ARMH4: variants seen among roughly 807,000 people sequenced by gnomAD.
ARMH4 encodes the protein armadillo like helical domain containing 4, also known as armadillo-like helical domain-containing protein 4.
In ARMH4, 49 loss-of-function variants were observed where a neutral mutation model predicts 61.9. That is an observed-to-expected ratio of 0.79 (90% confidence interval 0.63 to 1.00). The LOEUF (loss-of-function observed/expected upper bound fraction) is 1.00. Ranked by LOEUF, ARMH4 falls within the 50% of genes least tolerant of loss-of-function variation. The probability of loss-of-function intolerance (pLI) is 0.00; values close to 1 mark genes in which losing one functional copy is unlikely to be tolerated. For synonymous variants in ARMH4, 368 were observed against 341.5 expected (o/e 1.08, Z -0.85); for missense variants, 934 against 930.0 (o/e 1.00, Z -0.06).
intron 1 of ARMH4, among the ~76,000 whole-genome samples, chr14:58,149,902 C>G (rs1305298831): frequency 6.6e-6 from 1 of 152,206 alleles, no homozygotes; most frequent in Non-Finnish European, 1.5e-5. Context: ...CTGTCAAATA[C>G]AGAAATGTGA....
intron 4 of ARMH4, among the ~76,000 whole-genome samples, chr14:58,111,293 G>A (rs781358599): frequency 1.3e-5 from 2 of 152,030 alleles, no homozygotes; most frequent in Non-Finnish European, 2.9e-5. Context: ...ATTCAATATA[G>A]TAACTCCTTA....
At chr14:58,040,975 C>G (rs1222447181) in intron 5 of ARMH4, among the ~76,000 whole-genome samples, 2 of 152,168 alleles carry the variant, frequency 1.3e-5, no homozygotes, top group African/African-American at 4.8e-5. Flanking sequence ...GAAACATGGT[C>G]AGGGGGCGGT....
Position 58,139,233 on chromosome 14 carries a change from C to T in ARMH4, c.126G>A (p.Ala42=), listed in dbSNP as rs199616242. The T allele has an allele frequency of 9.9e-6, 16 of 1,614,138 alleles. No homozygotes were observed. The East Asian group carries it at 1.8e-4, about 18-fold the overall frequency. Residue 42 remains alanine, a synonymous_variant, in exon 2 of 8, where the codon GCG becomes GCA. Transcript: ENST00000267485. ...ERRREIAHVH[A]EKGQSDKMNT... is the part of the protein sequence containing the mutation. ...TCATCTTATCGGACTGCCCTTTTTCCGCATGAACATGTGCTATCTCCCTCC... is the reference window on the plus strand; with the variant it reads ...TCATCTTATCGGACTGCCCTTTTTCTGCATGAACATGTGCTATCTCCCTCC...
At chr14:58,087,954 C>T (rs1216921412) in intron 5 of ARMH4, among the ~76,000 whole-genome samples, 1 of 152,144 alleles carries the variant, frequency 6.6e-6, no homozygotes, top group Non-Finnish European at 1.5e-5. Flanking sequence ...TTAGGCTTGG[C>T]CAGTTCTCTT....
chr14:58,015,133 A>G (rs547407182), intron 5 of ARMH4, among the ~76,000 whole-genome samples: 30 of 152,146 alleles, frequency 2.0e-4, no homozygotes, highest in African/African-American at 7.0e-4. Flanking sequence ...TCACCGGTAA[A>G]CTGTCCACAT....
At chr14:58,021,017 G>A (rs1321305288) in intron 5 of ARMH4, among the ~76,000 whole-genome samples, 1 of 152,168 alleles carries the variant, frequency 6.6e-6, no homozygotes, top group Admixed American at 6.5e-5. Flanking sequence ...CCCGAAGGCA[G>A]AGGGAAAAAA....
At chr14:58,076,992 T>C (rs576525837) in intron 5 of ARMH4, among the ~76,000 whole-genome samples, 163 of 152,318 alleles carry the variant, frequency 1.1e-3, no homozygotes, top group African/African-American at 3.4e-3. Flanking sequence ...GATGTCTGCC[T>C]ATACCATAAT....
chr14:58,029,202 AC>A (rs1383043178), intron 5 of ARMH4, among the ~76,000 whole-genome samples: 1 of 148,704 alleles, frequency 6.7e-6, no homozygotes, highest in Non-Finnish European at 1.5e-5. Context: ...ACAACATATG[AC>A]CTTTCGGTCT....
chr14:58,072,665 C>A (rs1006099212), intron 5 of ARMH4, among the ~76,000 whole-genome samples: 5 of 151,606 alleles, frequency 3.3e-5, no homozygotes, highest in Admixed American at 6.6e-5. Flanking sequence ...GAGGTTGCAG[C>A]GAGCCGAGAT....
rs769911891 is a variant in ARMH4, at chr14:58,001,861, G to C, written c.*2875C>G. The stretch of plus-strand genomic sequence containing the variant: ...CCTCTCCCTCCGAGAAGAAGACCTA[G>C]TTCCTGCCCCTGCGGTGGGATGCTG... On this transcript the variant is annotated 3_prime_UTR_variant, in exon 8 of 8. Transcript: ENST00000267485. The C allele has an allele frequency of 1.6e-4, 25 of 152,156 alleles. No individual in the cohort carries two copies. Among genetic ancestry groups the C allele is most frequent in the South Asian group, 2.1e-4 (1 of 4,816 alleles). 9.4% of individuals were successfully genotyped at this position (152,156 alleles called of 1,614,324 possible). A position where few individuals can be genotyped will look rare whatever the true frequency, so the allele number is the denominator to read the frequency against.
chr14:58,112,406 T>A (rs1886384600), intron 4 of ARMH4, among the ~76,000 whole-genome samples: 1 of 152,060 alleles, frequency 6.6e-6, no homozygotes, highest in Non-Finnish European at 1.5e-5. Context: ...ACCACGCATA[T>A]TTAACTAACC....
At chr14:58,096,558 G>A (rs866964457) in intron 5 of ARMH4, among the ~76,000 whole-genome samples, 166 bp downstream of exon 5, 5 of 152,052 alleles carry the variant, frequency 3.3e-5, no homozygotes, top group Middle Eastern at 3.4e-3. Flanking sequence ...TTATTTCTTC[G>A]GTGAGTTTAT....
intron 4 of ARMH4, among the ~76,000 whole-genome samples, chr14:58,114,017 A>G (rs1349462076): frequency 1.3e-5 from 2 of 151,966 alleles, no homozygotes; most frequent in East Asian, 1.9e-4. Context: ...GAGTAAGCCA[A>G]TCTTACTTGG....
At chr14:58,119,259 T>C (rs1172680696) in intron 4 of ARMH4, among the ~76,000 whole-genome samples, 5 of 152,228 alleles carry the variant, frequency 3.3e-5, no homozygotes, top group African/African-American at 9.6e-5. Context: ...GGTAGTCCGA[T>C]GGCAAAACAA....
At chr14:58,080,779 A>C (rs192563181) in intron 5 of ARMH4, among the ~76,000 whole-genome samples, 174 of 152,220 alleles carry the variant, frequency 1.1e-3, no homozygotes, top group African/African-American at 4.1e-3. Flanking sequence ...AATAAAATAA[A>C]AAATAATAAA....
chr14:58,104,023 T>G (rs540072899), intron 4 of ARMH4, among the ~76,000 whole-genome samples: 1 of 152,018 alleles, frequency 6.6e-6, no homozygotes, highest in South Asian at 2.1e-4. Context: ...AAAGAGAGGG[T>G]TGCAGGTAAG....
chr14:58,094,599 G>A lies in ARMH4; in HGVS notation c.2089+2125C>T, dbSNP rs556384879. 2.0e-5 allele frequency among the ~76,000 whole-genome samples: 3 copies of A among 152,270 alleles called. No homozygotes were observed. In the East Asian group the frequency reaches 5.8e-4, roughly 29 times the overall value. On this transcript the variant is annotated intron_variant, in intron 5 of 7. Coordinates refer to ENST00000267485, the MANE Select transcript of ARMH4 (RefSeq NM_001001872.4). ...TGTGCATGTGTGTACATGTGTGTAT[G>A]TTATATATAACAAAGAACAAACTAC...
intron 5 of ARMH4, among the ~76,000 whole-genome samples, chr14:58,019,686 G>A (rs1882744291): frequency 6.6e-6 from 1 of 152,114 alleles, no homozygotes; most frequent in East Asian, 1.9e-4. Flanking sequence ...AGCTACTCAG[G>A]AGACCAAGGC....
intron 4 of ARMH4, among the ~76,000 whole-genome samples, chr14:58,113,869 A>T (rs1180371182): frequency 6.6e-6 from 1 of 151,914 alleles, no homozygotes; most frequent in Non-Finnish European, 1.5e-5. Flanking sequence ...GTTATTTTTT[A>T]AAATCTGCTG....
Sources: allele counts gnomAD v4.1 joint callset (sites outside exome capture counted in the v4.1 genomes callset), GRCh38; gene constraint gnomAD v4.1.1; transcripts MANE v1.5; gene names NCBI Gene and HGNC (gene_info 2026-07-23, HGNC 2026-07-21).